GBE1: variants seen among roughly 807,000 people sequenced by gnomAD.
The protein encoded by GBE1 is 1,4-alpha-glucan-branching enzyme.
Under a neutral mutation model 88.8 loss-of-function variants are expected in GBE1, and 70 were observed. The ratio of observed to expected loss-of-function variants is 0.79; its 90% CI spans 0.65 to 0.96. The LOEUF is 0.96. GBE1 is among the 40% of genes least tolerant of loss of function. The pLI, the probability that GBE1 is intolerant of heterozygous loss-of-function variation, is 0.00. For synonymous variants in GBE1, 284 were observed against 300.1 expected (o/e 0.95, Z 0.56); for missense variants, 872 against 871.0 (o/e 1.00, Z -0.01).
At chr3:81,741,559 C>A (rs986545642) in intron 1 of GBE1, among the ~76,000 whole-genome samples, 3 of 151,822 alleles carry the variant, frequency 2.0e-5, no homozygotes, top group African/African-American at 7.3e-5. Context: ...TGATGAGTAT[C>A]CCCAAAGAGA....
At chr3:81,660,511 G>T (rs1314669029) in intron 3 of GBE1, among the ~76,000 whole-genome samples, 1 of 152,054 alleles carries the variant, frequency 6.6e-6, no homozygotes, top group Non-Finnish European at 1.5e-5. Flanking sequence ...ATAAAGCACA[G>T]GTCTGGGAAT....
chr3:81,549,699 T>C (rs1248802370), intron 12 of GBE1, among the ~76,000 whole-genome samples: 3 of 151,522 alleles, frequency 2.0e-5, no homozygotes, highest in Admixed American at 1.3e-4. Context: ...AAAAGTCTTA[T>C]CTGAGATTCC....
At chr3:81,508,911 C>T (rs971327791) in intron 14 of GBE1, among the ~76,000 whole-genome samples, 2 of 152,082 alleles carry the variant, frequency 1.3e-5, no homozygotes, top group African/African-American at 4.8e-5. Context: ...AGTCTCTCAT[C>T]TGTAAATGGA....
intron 12 of GBE1, among the ~76,000 whole-genome samples, chr3:81,547,642 TCTCTCTC>T (rs879448154): frequency 2.9e-5 from 4 of 140,062 alleles, no homozygotes; most frequent in Non-Finnish European, 4.6e-5. Flanking sequence ...TCTCTCTCTC[TCTCTCTC>T]TCTCTCTCTC....
At chr3:81,519,352 T>C (rs1246633293) in intron 14 of GBE1, among the ~76,000 whole-genome samples, 1 of 151,582 alleles carries the variant, frequency 6.6e-6, no homozygotes, top group Non-Finnish European at 1.5e-5. Context: ...GATTTAGTCC[T>C]AGATTCACAT....
At chr3:81,593,778 T>C in intron 8 of GBE1, 130 bp downstream of exon 8, 1 of 570,998 alleles carries the variant, frequency 1.8e-6, no homozygotes, top group South Asian at 2.5e-5. Flanking sequence ...AATCTACCTT[T>C]TGCCAAAATG....
At chr3:81,605,045 T>C (rs1416782374) in intron 7 of GBE1, among the ~76,000 whole-genome samples, 2 of 152,130 alleles carry the variant, frequency 1.3e-5, no homozygotes, top group African/African-American at 4.8e-5. Context: ...AGTAAGCTCA[T>C]ATTGGTGAAT....
intron 10 of GBE1, among the ~76,000 whole-genome samples, chr3:81,585,449 A>C (rs1365681304): frequency 6.6e-6 from 1 of 152,138 alleles, no homozygotes; most frequent in African/African-American, 2.4e-5. Flanking sequence ...GCTGCAAAGA[A>C]ATGTTCTATA....
rs1396420327 is a variant in GBE1, at chr3:81,663,709, AG to A, written c.429+7128del. Among the ~76,000 whole-genome samples the A allele has an allele frequency of 1.3e-4, 20 of 152,302 alleles. No homozygotes were observed. In the East Asian group the frequency reaches 3.3e-3, roughly 25 times the overall value. ...AGACAGCAAACTAAAAGCACACGGT[AG>A]CACACGCCCACTGGGGCTTCATGAG... On this transcript the variant is annotated intron_variant, in intron 3 of 15. Transcript: ENST00000429644.
chr3:81,559,464 T>TC (rs1460505291), intron 12 of GBE1, among the ~76,000 whole-genome samples: 1 of 151,636 alleles, frequency 6.6e-6, no homozygotes, highest in East Asian at 1.9e-4. Flanking sequence ...TCAGCCATTT[T>TC]TTTTCCAAAT....
At chr3:81,736,397 A>G (rs1424400761) in intron 1 of GBE1, among the ~76,000 whole-genome samples, 1 of 152,190 alleles carries the variant, frequency 6.6e-6, no homozygotes, top group Non-Finnish European at 1.5e-5. Flanking sequence ...TGCTGAAGTT[A>G]ACACATTAAA....
rs145835643 is a variant in GBE1, at chr3:81,551,358, C to T, written c.1619-14263G>A. Among the ~76,000 whole-genome samples the T allele has an allele frequency of 3.4e-3, 524 of 152,098 alleles. 2 individuals are homozygous for T. The highest frequency in any genetic ancestry group is 0.012 in the African/African-American group (495 of 41,496). ...CTGGACAAGAGGGATCAAAAGAAGG[C>T]TTAAAGGATCTGTAAAAGTTAAAGA... On this transcript the variant is annotated intron_variant, in intron 12 of 15. Coordinates refer to ENST00000429644, the MANE Select transcript of GBE1 (RefSeq NM_000158.4).
In GBE1 at chr3:81,722,880, G is replaced by A. The variant is rs560231673; in HGVS notation, c.144-17267C>T. ...AGGGTATGTGCATGGGCACACACAC[G>A]TGTGTGTGTGTGTGTGTATATATAT... On this transcript the variant is annotated intron_variant, in intron 1 of 15. Coordinates refer to ENST00000429644, the MANE Select transcript of GBE1 (RefSeq NM_000158.4). Among the ~76,000 whole-genome samples, 48 of 136,108 alleles carry A rather than the reference G, an allele frequency of 3.5e-4. 1 individual carries two copies. The South Asian group carries it at 6.7e-3, about 19-fold the overall frequency. The allele number at this position is 136,108 out of a possible 152,430, so 89.3% of individuals were successfully genotyped here.
chr3:81,498,918 C>T (rs1702549425), intron 15 of GBE1, among the ~76,000 whole-genome samples, 192 bp downstream of exon 15: 2 of 152,108 alleles, frequency 1.3e-5, no homozygotes, highest in Non-Finnish European at 2.9e-5. Context: ...ATATCCTTTA[C>T]TATTAGTTTT....
chr3:81,544,895 G>T (rs912652779), intron 12 of GBE1, among the ~76,000 whole-genome samples: 1 of 152,080 alleles, frequency 6.6e-6, no homozygotes, highest in Admixed American at 6.5e-5. Context: ...TAGCAGGTTT[G>T]TGTATTTTTT....
chr3:81,587,129 C>T (rs999164348), intron 9 of GBE1, among the ~76,000 whole-genome samples: 4 of 151,886 alleles, frequency 2.6e-5, no homozygotes, highest in Admixed American at 6.6e-5. Flanking sequence ...ATGGTAGAGC[C>T]GGATTCAGAT....
At chr3:81,703,549 AT>A (rs796240984) in intron 2 of GBE1, among the ~76,000 whole-genome samples, 34 of 152,168 alleles carry the variant, frequency 2.2e-4, no homozygotes, top group African/African-American at 7.7e-4. Flanking sequence ...ATCTTAAGTT[AT>A]TAATTTAAAT....
chr3:81,708,144 T>C (rs1385076279), intron 1 of GBE1, among the ~76,000 whole-genome samples: 2 of 151,992 alleles, frequency 1.3e-5, no homozygotes, highest in African/African-American at 4.8e-5. Context: ...TTTGAGGAAC[T>C]GAAAGCATTT....
chr3:81,667,755 T>C (rs1705133356), intron 3 of GBE1, among the ~76,000 whole-genome samples: 2 of 152,218 alleles, frequency 1.3e-5, no homozygotes, highest in African/African-American at 4.8e-5. Flanking sequence ...CATTAGTTGA[T>C]TTGCATATGT....
Sources: gnomAD v4.1 joint callset for allele counts (sites outside exome capture counted in the v4.1 genomes callset) on GRCh38, gnomAD v4.1.1 for gene constraint, MANE v1.5 for transcripts, NCBI Gene and HGNC (gene_info 2026-07-23, HGNC 2026-07-21) for gene names.